TBC1D22A: variants seen among roughly 807,000 people sequenced by gnomAD.
The protein encoded by TBC1D22A is putative GTPase activator.
A neutral mutation model predicts 60.2 loss-of-function variants in TBC1D22A; 38 were observed. That is an observed-to-expected ratio of 0.63 (90% CI 0.49 to 0.83). TBC1D22A has a LOEUF of 0.83. Ranked by LOEUF, TBC1D22A falls within the 40% of genes least tolerant of loss-of-function variation. TBC1D22A has a pLI of 0.00. For synonymous variants in TBC1D22A, 302 were observed against 281.7 expected, an observed-to-expected ratio of 1.07 and a Z score of -0.72; for missense variants, 628 against 701.0, an observed-to-expected ratio of 0.90 and a Z score of 1.18.
intron 4 of TBC1D22A, among the ~76,000 whole-genome samples, chr22:46,832,324 G>A (rs1234757496): frequency 6.6e-6 from 1 of 152,234 alleles, no homozygotes; most frequent in Admixed American, 6.5e-5. Context: ...AGAAAGTTAT[G>A]ATTTATGGAA....
chr22:47,116,990 C>G (rs551366321), intron 12 of TBC1D22A: 1 of 153,068 alleles, frequency 6.5e-6, no homozygotes, highest in East Asian at 1.9e-4. Flanking sequence ...GACTGCTCTG[C>G]GGGGGTCGGC....
chr22:46,982,447 C>G (rs2074552190), intron 9 of TBC1D22A, among the ~76,000 whole-genome samples: 1 of 152,030 alleles, frequency 6.6e-6, no homozygotes, highest in African/African-American at 2.4e-5. Context: ...TGGTGTTGAT[C>G]TCCTGGCCTC....
chr22:46,815,941 G>A (rs894905239), intron 4 of TBC1D22A, among the ~76,000 whole-genome samples: 6 of 152,180 alleles, frequency 3.9e-5, no homozygotes, highest in Admixed American at 1.3e-4. Context: ...GTATACCTGC[G>A]TGCGCCATGG....
At chr22:46,923,553 G>A (rs1317018600) in intron 8 of TBC1D22A, among the ~76,000 whole-genome samples, 5 of 152,272 alleles carry the variant, frequency 3.3e-5, no homozygotes, top group African/African-American at 1.2e-4. Flanking sequence ...GACTCATCCA[G>A]CTTGGAGCCT....
At chr22:47,070,280 C>G (rs1392715665) in intron 11 of TBC1D22A, among the ~76,000 whole-genome samples, 1 of 145,196 alleles carries the variant, frequency 6.9e-6, no homozygotes, top group African/African-American at 2.6e-5. Context: ...ACGCTGTCCC[C>G]TGTTGTTTGG....
intron 12 of TBC1D22A, among the ~76,000 whole-genome samples, chr22:47,156,661 T>C (rs2067730632): frequency 6.6e-6 from 1 of 152,132 alleles, no homozygotes; most frequent in African/African-American, 2.4e-5. Flanking sequence ...ACCCTTCTCC[T>C]GTCCACTCCT....
chr22:47,047,183 A>G (rs574976437), intron 11 of TBC1D22A, among the ~76,000 whole-genome samples: 165 of 152,308 alleles, frequency 1.1e-3, no homozygotes, highest in African/African-American at 3.7e-3. Flanking sequence ...CCCTGCTTGC[A>G]TGTAGCAATT....
At chr22:47,079,837 T>C (rs1299772883) in intron 11 of TBC1D22A, among the ~76,000 whole-genome samples, 1 of 152,214 alleles carries the variant, frequency 6.6e-6, no homozygotes, top group Non-Finnish European at 1.5e-5. Flanking sequence ...AAAGATAGAT[T>C]GTAAGAGTGA....
intron 9 of TBC1D22A, among the ~76,000 whole-genome samples, chr22:46,978,199 A>G (rs1036385747): frequency 3.0e-4 from 45 of 152,322 alleles, no homozygotes; most frequent in African/African-American, 1.1e-3. Flanking sequence ...TCTGCCATTG[A>G]CATGCCCAGG....
At chr22:46,995,281 G>C (rs1228792701) in intron 9 of TBC1D22A, among the ~76,000 whole-genome samples, 1 of 152,190 alleles carries the variant, frequency 6.6e-6, no homozygotes, top group African/African-American at 2.4e-5. Flanking sequence ...CGGAGTTTTC[G>C]TGGTTCTGCC....
intron 10 of TBC1D22A, among the ~76,000 whole-genome samples, chr22:47,012,368 A>G (rs1159401055): frequency 6.6e-6 from 1 of 152,132 alleles, no homozygotes; most frequent in East Asian, 1.9e-4. Context: ...CTAGCCCAGC[A>G]CTGGTGCGTT....
chr22:46,959,061 G>T (rs1163443433), intron 8 of TBC1D22A, among the ~76,000 whole-genome samples: 1 of 152,158 alleles, frequency 6.6e-6, no homozygotes, highest in Non-Finnish European at 1.5e-5. Context: ...GAGAATGTGT[G>T]CTCCCGGCCG....
At chr22:47,130,031 C>T (rs2066626814) in intron 12 of TBC1D22A, among the ~76,000 whole-genome samples, 1 of 152,232 alleles carries the variant, frequency 6.6e-6, no homozygotes, top group African/African-American at 2.4e-5. Context: ...TTCTGAGGCT[C>T]CTGGGGTGGT....
intron 11 of TBC1D22A, among the ~76,000 whole-genome samples, chr22:47,037,604 C>G (rs545020584): frequency 6.6e-6 from 1 of 152,138 alleles, no homozygotes; most frequent in Non-Finnish European, 1.5e-5. Flanking sequence ...GCACTCCAGC[C>G]TGGGTGGCAG....
At chr22:47,117,638 G>A (rs756297311) in intron 12 of TBC1D22A, among the ~76,000 whole-genome samples, 15 of 152,180 alleles carry the variant, frequency 9.9e-5, no homozygotes, top group East Asian at 3.9e-4. Flanking sequence ...CCGCAGGAGC[G>A]AGGAAAGCAG....
In TBC1D22A at chr22:47,038,758, A is replaced by G. The variant is rs1337255273; in HGVS notation, c.1329+1560A>G. On this transcript the variant is annotated intron_variant, in intron 11 of 12. Transcript: ENST00000337137. Reference sequence around the variant, plus strand: ...CTGGTCTAATGATCTCACTACGGAAATTATCACCAGTCAGCAGACTGTCAT... The same window carrying G: ...CTGGTCTAATGATCTCACTACGGAAGTTATCACCAGTCAGCAGACTGTCAT... Among the ~76,000 whole-genome samples the G allele has an allele frequency of 2.6e-5, 4 of 152,122 alleles. No homozygotes were observed. In the South Asian group the frequency reaches 6.2e-4, roughly 24 times the overall value.
rs146405005 is a variant in TBC1D22A, at chr22:47,087,702, A to G, written c.1330-23806A>G. 3.3e-4 allele frequency among the ~76,000 whole-genome samples: 51 copies of G among 152,300 alleles called. No homozygotes were observed. In the East Asian group the frequency reaches 8.5e-3, roughly 25 times the overall value. ...TTATGATAATGTTAGAGGAACCACA[A>G]ATTCTAACAAATTCTAACATAAAAG... On this transcript the variant is annotated intron_variant, in intron 11 of 12. Coordinates refer to ENST00000337137, the MANE Select transcript of TBC1D22A (RefSeq NM_014346.5).
At chr22:47,040,737 C>T (rs2062813578) in intron 11 of TBC1D22A, among the ~76,000 whole-genome samples, 1 of 152,072 alleles carries the variant, frequency 6.6e-6, no homozygotes, top group Admixed American at 6.5e-5. Flanking sequence ...CTGGGGTAGG[C>T]CGTGGAATGA....
chr22:46,936,628 G>A (rs902302531), intron 8 of TBC1D22A, among the ~76,000 whole-genome samples: 6 of 152,232 alleles, frequency 3.9e-5, no homozygotes, highest in Admixed American at 3.9e-4. Flanking sequence ...GTCGGATTCT[G>A]GACAAGGGCT....
Sources: allele counts gnomAD v4.1 joint callset (sites outside exome capture counted in the v4.1 genomes callset), GRCh38; gene constraint gnomAD v4.1.1; transcripts MANE v1.5; gene names NCBI Gene and HGNC (gene_info 2026-07-23, HGNC 2026-07-21).